Variants in GAREM1 observed in about 807,000 individuals in gnomAD.
GAREM1 encodes GRB2 associated regulator of MAPK1 subtype 1.
GAREM1 carries 26 observed loss-of-function variants against 71.3 expected under a neutral mutation model. The ratio of observed to expected loss-of-function variants is 0.36; its 90% confidence interval spans 0.27 to 0.51. GAREM1 has a LOEUF of 0.51. Among genes scored for constraint, GAREM1 ranks in the 20% least tolerant of loss-of-function variants. GAREM1 has a pLI of 0.95. For missense variants in GAREM1, 1,026 were observed against 1,103.1 expected, an observed-to-expected ratio of 0.93 and a Z score of 0.99; for synonymous variants, 440 against 433.2, an observed-to-expected ratio of 1.02 and a Z score of -0.20.
At chr18:32,345,835 G>C (rs2047690557) in intron 2 of GAREM1, among the ~76,000 whole-genome samples, 1 of 152,186 alleles carries the variant, frequency 6.6e-6, no homozygotes, top group African/African-American at 2.4e-5. Flanking sequence ...TGGTGCAGCA[G>C]TTAATCATCT....
At chr18:32,383,260 A>G (rs1195212389) in intron 2 of GAREM1, among the ~76,000 whole-genome samples, 1 of 152,218 alleles carries the variant, frequency 6.6e-6, no homozygotes, top group East Asian at 1.9e-4. Context: ...AAAAGTTCAC[A>G]TGGTACACAT....
chr18:32,400,328 C>A (rs950517413), intron 1 of GAREM1, among the ~76,000 whole-genome samples: 1 of 152,130 alleles, frequency 6.6e-6, no homozygotes, highest in African/African-American at 2.4e-5. Flanking sequence ...CAAATGGGAT[C>A]TAATTAAACT....
At chr18:32,332,444 T>C (rs1428845976) in intron 2 of GAREM1, among the ~76,000 whole-genome samples, 2 of 152,030 alleles carry the variant, frequency 1.3e-5, no homozygotes, top group Non-Finnish European at 2.9e-5. Context: ...TAAGATTTAA[T>C]TGACACAGCA....
intron 1 of GAREM1, among the ~76,000 whole-genome samples, chr18:32,454,461 G>A (rs192046216): frequency 5.0e-4 from 76 of 152,216 alleles, no homozygotes; most frequent in Admixed American, 4.0e-3. Context: ...AATACATCCA[G>A]ACAAATTAAC....
intron 2 of GAREM1, among the ~76,000 whole-genome samples, chr18:32,341,438 TAC>T (rs2047646701): frequency 6.6e-6 from 1 of 152,208 alleles, no homozygotes; most frequent in African/African-American, 2.4e-5. Flanking sequence ...ACAATAAACA[TAC>T]ATGTGCATGT....
In GAREM1 at chr18:32,341,304, G is replaced by T. The variant is rs543001943; in HGVS notation, c.263-30981C>A. 1.5e-3 allele frequency among the ~76,000 whole-genome samples: 234 copies of T among 152,268 alleles called. 2 individuals carry two copies. Among genetic ancestry groups the T allele is most frequent in the Non-Finnish European group, 2.4e-3 (160 of 68,018 alleles). On this transcript the variant is annotated intron_variant, in intron 2 of 5. Transcript: ENST00000269209. ...TCATCCATGTCCCTACAAAGGACAT[G>T]AACTCATCCTTTTTTCTGGCTGCAT...
chr18:32,408,692 A>G (rs1295382469), intron 1 of GAREM1, among the ~76,000 whole-genome samples: 6 of 152,126 alleles, frequency 3.9e-5, no homozygotes, highest in Non-Finnish European at 7.4e-5. Context: ...CAGGCCTTAA[A>G]CATGCAGCAC....
At chr18:32,305,796 A>C (rs2047248457) in intron 3 of GAREM1, among the ~76,000 whole-genome samples, 1 of 152,206 alleles carries the variant, frequency 6.6e-6, no homozygotes, top group South Asian at 2.1e-4. Context: ...CTGGGATTAC[A>C]TGCATGAGCC....
At chr18:32,357,675 T>C (rs1210110859) in intron 2 of GAREM1, among the ~76,000 whole-genome samples, 3 of 152,228 alleles carry the variant, frequency 2.0e-5, no homozygotes, top group Non-Finnish European at 4.4e-5. Context: ...TATAAAACTG[T>C]TTTATCCTTT....
At chr18:32,328,439 G>C (rs1392425860) in intron 2 of GAREM1, among the ~76,000 whole-genome samples, 1 of 152,178 alleles carries the variant, frequency 6.6e-6, no homozygotes, top group African/African-American at 2.4e-5. Flanking sequence ...TCTTTCAGCA[G>C]TTACACTGTA....
rs1273127253 is a variant in GAREM1, at chr18:32,392,913, T to A, written c.244A>T (p.Ile82Phe). Reference sequence around the variant, plus strand: ...GTCTTACCTGCATAATGTACCGGAATCTCTATCTTTGGCCCAATGACATAG... The same window carrying A: ...GTCTTACCTGCATAATGTACCGGAAACTCTATCTTTGGCCCAATGACATAG... ...GHYVIGPKIEIPVHYAGQFKL... is the reference protein window; with the variant it reads ...GHYVIGPKIEFPVHYAGQFKL... The change falls in exon 2 of 6, where the codon ATT becomes TTT. Residue 82 changes from isoleucine to phenylalanine, a missense_variant. Transcript: ENST00000269209. 1 of 1,613,812 alleles carries A rather than the reference T, an allele frequency of 6.2e-7. No individual in the cohort carries two copies. The highest frequency in any genetic ancestry group is 8.5e-7 in the Non-Finnish European group (1 of 1,179,832).
chr18:32,307,817 C>T (rs950966428), intron 3 of GAREM1, among the ~76,000 whole-genome samples: 1 of 152,186 alleles, frequency 6.6e-6, no homozygotes, highest in Non-Finnish European at 1.5e-5. Flanking sequence ...GCCACTGTGC[C>T]CTGGCTTAAT....
chr18:32,449,062 G>A (rs1182635226), intron 1 of GAREM1, among the ~76,000 whole-genome samples: 1 of 152,200 alleles, frequency 6.6e-6, no homozygotes, highest in African/African-American at 2.4e-5. Flanking sequence ...GCAGGCCAGA[G>A]TTTAAAGCAC....
chr18:32,420,438 A>T lies in GAREM1; in HGVS notation c.122-27403T>A, dbSNP rs894529003. ...ATGATTTAAACTCCTACACATCTCT[A>T]CCTCCCGGGATGCATCTAATGGTTT... On this transcript the variant is annotated intron_variant, in intron 1 of 5. Coordinates refer to ENST00000269209, the MANE Select transcript of GAREM1 (RefSeq NM_001242409.2). 4.0e-5 allele frequency among the ~76,000 whole-genome samples: 6 copies of T among 150,910 alleles called. No homozygotes were observed. In the East Asian group the frequency reaches 1.2e-3, roughly 30 times the overall value.
At chr18:32,344,720 T>C (rs1020400107) in intron 2 of GAREM1, among the ~76,000 whole-genome samples, 2 of 152,212 alleles carry the variant, frequency 1.3e-5, no homozygotes, top group South Asian at 4.1e-4. Context: ...ATATAAAATT[T>C]GTAATAATGA....
At chr18:32,294,916 ATTTG>A (rs1233159139) in intron 3 of GAREM1, among the ~76,000 whole-genome samples, 3 of 152,206 alleles carry the variant, frequency 2.0e-5, no homozygotes, top group African/African-American at 7.2e-5. Context: ...AATACGATAA[ATTTG>A]TTTGAGATAT....
rs75640611 is a variant in GAREM1, at chr18:32,289,746, G to T, written c.394-1543C>A. ...GCCATGACTGGGGAAGCTGCTGTTT[G>T]CATCTAGTGGGTAGAGGCCAGGGAA... On this transcript the variant is annotated intron_variant, in intron 3 of 5. Coordinates refer to ENST00000269209, the MANE Select transcript of GAREM1 (RefSeq NM_001242409.2). Among the ~76,000 whole-genome samples, 296 of 152,270 alleles carry T rather than the reference G, an allele frequency of 1.9e-3. 10 individuals carry two copies. The East Asian group carries it at 0.046, about 24-fold the overall frequency.
At chr18:32,440,723 A>C (rs1443427625) in intron 1 of GAREM1, among the ~76,000 whole-genome samples, 1 of 152,226 alleles carries the variant, frequency 6.6e-6, no homozygotes, top group Non-Finnish European at 1.5e-5. Flanking sequence ...TCTGTAGACA[A>C]CAGTGGCATT....
At chr18:32,381,676 C>G (rs1245234876) in intron 2 of GAREM1, among the ~76,000 whole-genome samples, 1 of 152,218 alleles carries the variant, frequency 6.6e-6, no homozygotes, top group African/African-American at 2.4e-5. Context: ...AACTCACCTG[C>G]AGGGGAGGGA....
Sources: gnomAD v4.1 joint callset for allele counts (sites outside exome capture counted in the v4.1 genomes callset) on GRCh38, gnomAD v4.1.1 for gene constraint, MANE v1.5 for transcripts, NCBI Gene and HGNC (gene_info 2026-07-23, HGNC 2026-07-21) for gene names.